The following MYO10 variants were observed in gnomAD, a reference collection of about 807,000 sequenced individuals.
MYO10 encodes the protein unconventional myosin-X.
Under a neutral mutation model 257.3 loss-of-function variants are expected in MYO10, and 133 were observed. The observed-to-expected ratio is 0.52, with a 90% CI of 0.45 to 0.60. The LOEUF (loss-of-function observed/expected upper bound fraction) is 0.60. Ranked by LOEUF, MYO10 falls within the 20% of genes least tolerant of loss-of-function variation. The pLI is 0.00. For synonymous variants in MYO10, 1,104 were observed against 1,028.6 expected (o/e 1.07, Z -1.40); for missense variants, 2,399 against 2,635.7 (o/e 0.91, Z 1.97).
rs116506044 is a variant in MYO10, at chr5:16,680,974, C to G, written c.4384+335G>C. On this transcript the variant is annotated intron_variant, in intron 32 of 40. Coordinates refer to ENST00000513610, the MANE Select transcript of MYO10 (RefSeq NM_012334.3). Reference sequence around the variant, plus strand: ...CACCATTGCACTCCGGCCTGGGCAACAGTGTGAGACCCTGTCTCAAAAATG... The same window carrying G: ...CACCATTGCACTCCGGCCTGGGCAAGAGTGTGAGACCCTGTCTCAAAAATG... Among the ~76,000 whole-genome samples, 518 of 152,256 alleles carry G rather than the reference C, an allele frequency of 3.4e-3. 1 individual carries two copies. Among genetic ancestry groups the G allele is most frequent in the African/African-American group, 0.01 (435 of 41,540 alleles).
intron 3 of MYO10, among the ~76,000 whole-genome samples, chr5:16,803,661 A>C (rs1353272505): frequency 2.0e-5 from 3 of 152,220 alleles, no homozygotes; most frequent in Admixed American, 1.3e-4. Context: ...ACCAGATTTA[A>C]TTGGAACCAA....
At chr5:16,688,875 T>TGACC (rs1737366935) in intron 28 of MYO10, among the ~76,000 whole-genome samples, 1 of 152,040 alleles carries the variant, frequency 6.6e-6, no homozygotes, top group Non-Finnish European at 1.5e-5. Context: ...ATCCACAAGG[T>TGACC]GACCCTGTGA....
intron 1 of MYO10, among the ~76,000 whole-genome samples, chr5:16,879,888 G>A (rs550480642): frequency 9.2e-5 from 14 of 152,200 alleles, no homozygotes; most frequent in Admixed American, 9.2e-4. Flanking sequence ...TAAAATCCAC[G>A]AGCCAGAGGC....
In MYO10 at chr5:16,806,189, TA is replaced by T. The variant is rs1024187368; in HGVS notation, c.280-11357del. ...GCAAAACCCCATCTCTATTACAATT[TA>T]AAAAAAAAAATTAGCTGGGCATGGT... On this transcript the variant is annotated intron_variant, in intron 3 of 40. Coordinates refer to ENST00000513610, the MANE Select transcript of MYO10 (RefSeq NM_012334.3). 1.1e-3 allele frequency among the ~76,000 whole-genome samples: 155 copies of T among 145,380 alleles called. 1 individual carries two copies. Among genetic ancestry groups the T allele is most frequent in the African/African-American group, 3.1e-3 (123 of 39,536 alleles).
intron 17 of MYO10, 47 bp downstream of exon 17, chr5:16,761,417 A>G: frequency 1.4e-6 from 2 of 1,424,190 alleles, no homozygotes; most frequent in Admixed American, 1.8e-5. Flanking sequence ...ATTTGCACAA[A>G]TATTCATTTG....
At chr5:16,790,544 G>A (rs780442780) in intron 4 of MYO10, among the ~76,000 whole-genome samples, 2 of 152,120 alleles carry the variant, frequency 1.3e-5, no homozygotes, top group African/African-American at 2.4e-5. Flanking sequence ...GGTTTCATGA[G>A]ATCTAATGGT....
intron 2 of MYO10, among the ~76,000 whole-genome samples, chr5:16,852,373 T>A (rs1209497691): frequency 6.6e-6 from 1 of 152,112 alleles, no homozygotes; most frequent in Non-Finnish European, 1.5e-5. Context: ...CCCATGCATA[T>A]GTAAATTAAC....
chr5:16,763,002 G>A lies in MYO10; in HGVS notation c.1495-365C>T, dbSNP rs905871629. ...AAAAAAAAAAAAGTTGAATGTGTGC[G>A]TCCCAAACTATTTGAGAGCTCTTCT... On this transcript the variant is annotated intron_variant, in intron 14 of 40. Coordinates refer to ENST00000513610, the MANE Select transcript of MYO10 (RefSeq NM_012334.3). Among the ~76,000 whole-genome samples, 8 of 150,876 alleles carry A rather than the reference G, an allele frequency of 5.3e-5. No individual in the cohort carries two copies. The South Asian group carries it at 1.1e-3, about 20-fold the overall frequency.
At chr5:16,931,225 C>T (rs1746286842) in intron 1 of MYO10, among the ~76,000 whole-genome samples, 1 of 151,950 alleles carries the variant, frequency 6.6e-6, no homozygotes, top group Non-Finnish European at 1.5e-5. Flanking sequence ...GAGCCGAGAT[C>T]GCACCATTGC....
intron 1 of MYO10, among the ~76,000 whole-genome samples, chr5:16,909,935 G>C (rs1019780664): frequency 6.6e-6 from 1 of 152,006 alleles, no homozygotes; most frequent in Non-Finnish European, 1.5e-5. Context: ...ATCTGCATAC[G>C]GAGACTCCTC....
intron 40 of MYO10, among the ~76,000 whole-genome samples, chr5:16,667,854 G>A (rs1300521191): frequency 6.6e-6 from 1 of 152,178 alleles, no homozygotes; most frequent in Non-Finnish European, 1.5e-5. Context: ...AGAATGAGCT[G>A]CACCCAGGAT....
Position 16,681,336 on chromosome 5 carries a change from G to A in MYO10, c.4357C>T (p.Pro1453Ser). ...GTCTCTTTGAATATCTTCTCATCTG[G>A]GGGGACGACAGAGCAGAGGCTGTTG... ...VLNSLCSVVP[P>S]DEKIFKETGY... The change falls in exon 32 of 41, where the codon CCA becomes TCA. Residue 1453 changes from proline to serine, a missense_variant. Around this residue, in one of 3 missense-constraint regions of MYO10, gnomAD observed 1,820 missense variants for 1,939.4 expected, o/e 0.94. Transcript: ENST00000513610. The A allele has an allele frequency of 6.2e-7, 1 of 1,612,868 alleles. No individual in the cohort carries two copies. The highest frequency in any genetic ancestry group is 8.5e-7 in the Non-Finnish European group (1 of 1,179,606).
chr5:16,820,161 T>A (rs1214282729), intron 2 of MYO10, among the ~76,000 whole-genome samples: 1 of 152,228 alleles, frequency 6.6e-6, no homozygotes, highest in Non-Finnish European at 1.5e-5. Flanking sequence ...TGTAGACCCT[T>A]CATTTTAAGT....
chr5:16,792,155 A>AGAGAGAGAGG (rs1275670425), intron 4 of MYO10, among the ~76,000 whole-genome samples: 7 of 148,366 alleles, frequency 4.7e-5, no homozygotes, highest in African/African-American at 1.5e-4. Context: ...AGAGAGAGAG[A>AGAGAGAGAGG]GAGAGAGAGG....
intron 1 of MYO10, among the ~76,000 whole-genome samples, chr5:16,935,487 C>A (rs1746411686): frequency 6.6e-6 from 1 of 152,052 alleles, no homozygotes; most frequent in South Asian, 2.1e-4. Context: ...CGCGCCCCGG[C>A]GCGCGCCGCC....
chr5:16,934,390 T>C (rs1580167259), intron 1 of MYO10, among the ~76,000 whole-genome samples: 1 of 152,224 alleles, frequency 6.6e-6, no homozygotes, highest in African/African-American at 2.4e-5. Context: ...TTAAGAATCA[T>C]TGCCCTAGGG....
rs1231030957 is a variant in MYO10 at position 16,663,339 on chromosome 5, T to G, written c.*3353A>C. ...TTTTACTTCTAGTTGTTTTTTTTTT[T>G]TTTTTTTTTTTTTTTTTTTTTTTTT... On this transcript the variant is annotated 3_prime_UTR_variant, in exon 41 of 41. Coordinates refer to ENST00000513610, the MANE Select transcript of MYO10 (RefSeq NM_012334.3). 21 of 39,054 alleles carry G rather than the reference T, an allele frequency of 5.4e-4. No individual in the cohort carries two copies. In the East Asian group the frequency reaches 0.014, roughly 26 times the overall value. The allele number at this position is 39,054 out of a possible 1,614,324, so 2.4% of individuals were successfully genotyped here.
At chr5:16,806,459 G>A (rs192703403) in intron 3 of MYO10, among the ~76,000 whole-genome samples, 2 of 150,420 alleles carry the variant, frequency 1.3e-5, no homozygotes, top group African/African-American at 2.4e-5. Context: ...ACGTTAACAC[G>A]GTGAAACCCC....
chr5:16,816,108 C>T (rs1363575451), intron 3 of MYO10, among the ~76,000 whole-genome samples: 2 of 151,010 alleles, frequency 1.3e-5, no homozygotes, highest in African/African-American at 2.4e-5. Context: ...TTTGGGAGGC[C>T]GAGGCGGGCG....
Sources: gnomAD v4.1 joint callset for allele counts (sites outside exome capture counted in the v4.1 genomes callset) on GRCh38, gnomAD v4.1.1 for gene constraint, gnomAD v4.1.1 regional missense constraint, MANE v1.5 for transcripts, NCBI Gene and HGNC (gene_info 2026-07-23, HGNC 2026-07-21) for gene names.